MAPKAP1: variants seen among roughly 807,000 people sequenced by gnomAD.
The protein encoded by MAPKAP1 is MAPK associated protein 1.
A neutral mutation model predicts 65.7 loss-of-function variants in MAPKAP1; 20 were observed. The ratio of observed to expected loss-of-function variants is 0.30; its 90% CI spans 0.21 to 0.44. The LOEUF (loss-of-function observed/expected upper bound fraction) is 0.44, where lower values mean the gene tolerates loss of function less well. Among genes scored for constraint, MAPKAP1 ranks in the 20% least tolerant of loss-of-function variants. The pLI is 1.00. For missense variants in MAPKAP1, 423 were observed against 648.0 expected (o/e 0.65, Z 3.77); for synonymous variants, 222 against 244.3 (o/e 0.91, Z 0.85).
chr9:125,524,243 T>C (rs1589256600), intron 7 of MAPKAP1, among the ~76,000 whole-genome samples: 1 of 152,184 alleles, frequency 6.6e-6, no homozygotes, highest in African/African-American at 2.4e-5. Context: ...GGTCAAGCAC[T>C]ACCACCAATT....
At chr9:125,589,446 A>G (rs893903013) in intron 4 of MAPKAP1, among the ~76,000 whole-genome samples, 4 of 152,196 alleles carry the variant, frequency 2.6e-5, no homozygotes, top group Non-Finnish European at 5.9e-5. Flanking sequence ...CTGTTGAACT[A>G]CAGAATGAAT....
chr9:125,656,122 A>G (rs2131748348), intron 4 of MAPKAP1, among the ~76,000 whole-genome samples: 2 of 152,378 alleles, frequency 1.3e-5, no homozygotes, highest in East Asian at 1.9e-4. Context: ...CAGAAATTAC[A>G]TCCTCAAACA....
chr9:125,455,392 T>C (rs1206114979), intron 10 of MAPKAP1, among the ~76,000 whole-genome samples: 1 of 152,240 alleles, frequency 6.6e-6, no homozygotes, highest in East Asian at 1.9e-4. Flanking sequence ...CTTTTTCACC[T>C]CTACTCTCAG....
chr9:125,442,181 A>C (rs971733975), intron 11 of MAPKAP1, among the ~76,000 whole-genome samples: 1 of 150,424 alleles, frequency 6.6e-6, no homozygotes, highest in Non-Finnish European at 1.5e-5. Flanking sequence ...GTACTATCTC[A>C]TCTTCCATCA....
chr9:125,659,207 T>C (rs1316453930), intron 3 of MAPKAP1, among the ~76,000 whole-genome samples: 2 of 152,242 alleles, frequency 1.3e-5, no homozygotes, highest in East Asian at 3.8e-4. Context: ...GCATCTATTA[T>C]GAGCCAGGAT....
intron 3 of MAPKAP1, among the ~76,000 whole-genome samples, chr9:125,665,027 C>A (rs1834300079): frequency 6.6e-6 from 1 of 152,100 alleles, no homozygotes; most frequent in Admixed American, 6.5e-5. Flanking sequence ...ATAGGCCAGG[C>A]ACAGTGGCTC....
chr9:125,508,324 A>G (rs1442571803), intron 7 of MAPKAP1, among the ~76,000 whole-genome samples: 5 of 152,318 alleles, frequency 3.3e-5, no homozygotes, highest in East Asian at 1.9e-4. Context: ...TACTGGGTAG[A>G]AGGAATCTCA....
chr9:125,498,926 C>T (rs561144999), intron 8 of MAPKAP1, among the ~76,000 whole-genome samples: 1 of 152,282 alleles, frequency 6.6e-6, no homozygotes, highest in Admixed American at 6.5e-5. Context: ...CACCTGTGCC[C>T]CATCTGCTCT....
In MAPKAP1 at chr9:125,606,138, C is replaced by T. The variant is rs191602647; in HGVS notation, c.499-20411G>A. ...AATCAAATGGGAATATTTCAAGAAC[C>T]CAATTTCCTTCAGGAAATACATTAA... is the stretch of plus-strand genomic sequence containing the variant. On this transcript the variant is annotated intron_variant, in intron 4 of 11. Coordinates refer to ENST00000265960, the MANE Select transcript of MAPKAP1 (RefSeq NM_001006617.3). Among the ~76,000 whole-genome samples, 3 of 152,020 alleles carry T rather than the reference C, an allele frequency of 2.0e-5. No individual in the cohort carries two copies. The East Asian group carries it at 5.8e-4, about 29-fold the overall frequency.
chr9:125,440,593 G>C (rs191355460), intron 11 of MAPKAP1, among the ~76,000 whole-genome samples: 1 of 152,306 alleles, frequency 6.6e-6, no homozygotes, highest in East Asian at 1.9e-4. Flanking sequence ...GCTCCCGGGG[G>C]AGGCAGCGCG....
intron 6 of MAPKAP1, among the ~76,000 whole-genome samples, chr9:125,558,566 CAG>C (rs1300303145): frequency 6.6e-6 from 1 of 152,252 alleles, no homozygotes; most frequent in African/African-American, 2.4e-5. Context: ...TTGAGAGAGA[CAG>C]GGAAATGTCT....
rs1018224561 is a variant in MAPKAP1 at position 125,693,852 on chromosome 9, C to T, written c.-70+13119G>A. 2.1e-4 allele frequency among the ~76,000 whole-genome samples: 31 copies of T among 150,148 alleles called. 2 individuals are homozygous for T. The highest frequency in any genetic ancestry group is 4.7e-4 in the Admixed American group (7 of 15,012). On this transcript the variant is annotated intron_variant, in intron 1 of 11. Transcript: ENST00000265960. ...ACACATATATATACACACATACACA[C>T]ACACACACACACACACACACATATA... is the stretch of plus-strand genomic sequence containing the variant.
chr9:125,679,769 G>A (rs1199176612), intron 1 of MAPKAP1, among the ~76,000 whole-genome samples: 1 of 152,092 alleles, frequency 6.6e-6, no homozygotes, highest in Non-Finnish European at 1.5e-5. Context: ...CAATGCTCAC[G>A]TCTATCCAAT....
At chr9:125,621,952 T>A (rs139613285) in intron 4 of MAPKAP1, among the ~76,000 whole-genome samples, 13 of 152,296 alleles carry the variant, frequency 8.5e-5, no homozygotes, top group African/African-American at 2.6e-4. Flanking sequence ...TATTGTCATA[T>A]AAAAGAATGG....
intron 5 of MAPKAP1, among the ~76,000 whole-genome samples, chr9:125,583,725 G>A (rs1402992589): frequency 6.6e-6 from 1 of 152,174 alleles, no homozygotes; most frequent in African/African-American, 2.4e-5. Context: ...CCCTGGGCAA[G>A]TTCCTCTCTT....
At chr9:125,590,758 C>CT (rs904568799) in intron 4 of MAPKAP1, among the ~76,000 whole-genome samples, 3 of 151,970 alleles carry the variant, frequency 2.0e-5, no homozygotes, top group African/African-American at 7.3e-5. Flanking sequence ...TACAATAACT[C>CT]TAAGAAATAG....
At chr9:125,558,860 A>G (rs1830811809) in intron 6 of MAPKAP1, among the ~76,000 whole-genome samples, 1 of 152,244 alleles carries the variant, frequency 6.6e-6, no homozygotes, top group African/African-American at 2.4e-5. Flanking sequence ...TTATAAGTGT[A>G]GGCAAACAAT....
intron 4 of MAPKAP1, among the ~76,000 whole-genome samples, chr9:125,598,627 G>A (rs1435429165): frequency 6.6e-6 from 1 of 152,158 alleles, no homozygotes; most frequent in African/African-American, 2.4e-5. Flanking sequence ...TCAATTATAA[G>A]CAATGCCACT....
intron 4 of MAPKAP1, among the ~76,000 whole-genome samples, chr9:125,629,852 A>G (rs1018296555): frequency 1.3e-5 from 2 of 152,234 alleles, no homozygotes; most frequent in African/African-American, 2.4e-5. Context: ...CGAAGCAGAC[A>G]AGGCCATGTA....
Sources: allele counts gnomAD v4.1 joint callset (sites outside exome capture counted in the v4.1 genomes callset), GRCh38; gene constraint gnomAD v4.1.1; transcripts MANE v1.5; gene names NCBI Gene and HGNC (gene_info 2026-07-23, HGNC 2026-07-21).